CCR7: variants seen among roughly 807,000 people sequenced by gnomAD.
CCR7 encodes the protein C-C motif chemokine receptor 7, also known as C-C chemokine receptor type 7.
In CCR7, 11 loss-of-function variants were observed where a neutral mutation model predicts 26.0. The ratio of observed to expected loss-of-function variants is 0.42; its 90% CI spans 0.27 to 0.70. The LOEUF (loss-of-function observed/expected upper bound fraction) is 0.70, where lower values mean the gene tolerates loss of function less well. Ranked by LOEUF, CCR7 falls within the 30% of genes least tolerant of loss-of-function variation. The probability of loss-of-function intolerance (pLI) is 0.23; values close to 1 mark genes in which losing one functional copy is unlikely to be tolerated. For missense variants in CCR7, 360 were observed against 504.0 expected, an observed-to-expected ratio of 0.71 and a Z score of 2.74; for synonymous variants, 189 against 202.1, an observed-to-expected ratio of 0.94 and a Z score of 0.55.
chr17:40,565,395 C>T lies in CCR7; in HGVS notation c.10+5G>A. 6.2e-7 allele frequency: 1 copy of T among 1,613,066 alleles called. No homozygotes were observed. Among genetic ancestry groups the T allele is most frequent in the Non-Finnish European group, 8.5e-7 (1 of 1,179,012 alleles). ...GTTCCTTCTCACATGAAGAGGCTCA[C>T]TCACCCAGGTCCATGACGCTCTCTG... On this transcript the variant is annotated splice_donor_5th_base_variant and intron_variant, in intron 1 of 2. Coordinates refer to ENST00000246657, the MANE Select transcript of CCR7 (RefSeq NM_001838.4).
chr17:40,555,912 T>C lies in CCR7; in HGVS notation c.61-94A>G, dbSNP rs563364833. ...GCCTAGAGCAGTGGTTTCTTTCTTT[T>C]TTTTTTTTCTTGAGACATGGTCTCA... On this transcript the variant is annotated intron_variant, in intron 2 of 2. Coordinates refer to ENST00000246657, the MANE Select transcript of CCR7 (RefSeq NM_001838.4). This position sits in a 1 kb window ranked among gnomAD's most constrained non-coding sequence, Gnocchi z 5.6. 14 of 836,266 alleles carry C rather than the reference T, an allele frequency of 1.7e-5. No homozygotes were observed. Among genetic ancestry groups the C allele is most frequent in the Non-Finnish European group, 2.5e-5 (13 of 529,978 alleles). The allele number at this position is 836,266 out of a possible 1,614,324, so 51.8% of individuals were successfully genotyped here.
Position 40,554,831 on chromosome 17 carries a change from C to T in CCR7, c.1048G>A (p.Glu350Lys). 6.2e-7 allele frequency: 1 copy of T among 1,614,206 alleles called. No individual in the cohort carries two copies. Among genetic ancestry groups the T allele is most frequent in the African/African-American group, 1.3e-5 (1 of 75,060 alleles). Reference protein sequence around the residue: ...LFKDLGCLSQEQLRQWSSCRH... With the variant: ...LFKDLGCLSQKQLRQWSSCRH... ...CAGGAAGACCACTGCCGGAGCTGCT[C>T]CTGGCTGAGGCAGCCCAGGTCCTTG... Residue 350 changes from glutamate (E) to lysine (K), a missense_variant, in exon 3 of 3, where the codon GAG becomes AAG. Transcript: ENST00000246657.
At chr17:40,561,151 C>G (rs1269419332) in intron 1 of CCR7, 1 of 152,268 alleles carries the variant, frequency 6.6e-6, no homozygotes, top group Non-Finnish European at 1.5e-5. Context: ...GGAGCAAGAA[C>G]TGTGTTTCTG....
At position 40,555,175 on chromosome 17, in the gene CCR7, G is replaced by A. The variant is rs1364164746; in HGVS notation, c.704C>T (p.Pro235Leu). The change falls in exon 3 of 3, where the codon CCC becomes CTC. Residue 235 changes from proline to leucine, a missense_variant. Pro to Leu is a moderately conservative substitution (Grantham distance 98). Transcript: ENST00000246657. The surrounding 1 kb of genome is among the most constrained non-coding windows in gnomAD (Gnocchi z 5.6). ...GTAACAGAAGCTCATGGCCAGCAGG[G>A]GGACCAGAAAGCCGATCACCATCTG... is the stretch of plus-strand genomic sequence containing the variant. The part of the protein sequence containing the change: ...VAQMVIGFLV[P>L]LLAMSFCYLV... 1.9e-6 allele frequency: 3 copies of A among 1,614,196 alleles called. No individual in the cohort carries two copies. Among genetic ancestry groups the A allele is most frequent in the South Asian group, 1.1e-5 (1 of 91,080 alleles).
chr17:40,555,068 C>T lies in CCR7; in HGVS notation c.811G>A (p.Val271Ile). 6.2e-7 allele frequency: 1 copy of T among 1,614,160 alleles called. No homozygotes were observed. ...AIKVIIAVVV[V>I]FIVFQLPYNG... ...TAGGGCAGCTGGAAGACTATGAAGA[C>T]CACGACCACAGCGATGATCACCTTG... The change falls in exon 3 of 3, where the codon GTC (valine) becomes ATC (isoleucine). Residue 271 changes from valine (V) to isoleucine (I), a missense_variant. Val to Ile is a conservative substitution (Grantham distance 29). Transcript: ENST00000246657. The surrounding 1 kb of genome is among the most constrained non-coding windows in gnomAD (Gnocchi z 5.6).
At chr17:40,561,442 G>A (rs186343707) in intron 1 of CCR7, among the ~76,000 whole-genome samples, 1 of 152,308 alleles carries the variant, frequency 6.6e-6, no homozygotes, top group Admixed American at 6.5e-5. Flanking sequence ...TAAAGAAACT[G>A]GTCTTGGGCA....
chr17:40,558,580 TTCTC>T (rs753390503), intron 2 of CCR7, among the ~76,000 whole-genome samples: 32 of 152,206 alleles, frequency 2.1e-4, no homozygotes, highest in Non-Finnish European at 3.7e-4. Context: ...TTTGCAGCTC[TTCTC>T]TCTCTAAGAA....
chr17:40,559,117 C>T (rs113678754), intron 1 of CCR7, among the ~76,000 whole-genome samples, 175 bp from the exon 2 acceptor site: 3 of 152,184 alleles, frequency 2.0e-5, no homozygotes, highest in African/African-American at 4.8e-5. Context: ...GCCTGCTGCC[C>T]GGCATCACTG....
rs767047433 is a variant in CCR7, at chr17:40,558,952, A to C, written c.11-10T>G. On this transcript the variant is annotated splice_polypyrimidine_tract_variant and intron_variant, in intron 1 of 2. Transcript: ENST00000246657. ...CTTTTCATTGGTTTCCCTGTAGGAG[A>C]CAAGGCGAGAAAGTTATTGCTTGGC... The C allele has an allele frequency of 1.9e-6, 3 of 1,606,396 alleles. No homozygotes were observed. The Middle Eastern group carries it at 5.0e-4, about 267-fold the overall frequency.
chr17:40,560,756 C>T (rs903830931), intron 1 of CCR7: 3 of 152,182 alleles, frequency 2.0e-5, no homozygotes, highest in Non-Finnish European at 2.9e-5. Flanking sequence ...GTCCAGTCCT[C>T]CGCTGTCCAC....
chr17:40,555,750 C>A lies in CCR7; in HGVS notation c.129G>T (p.Leu43Phe), dbSNP rs751884593. ...IGDNTTVDYT[L>F]FESLCSKKDV... Reference sequence around the variant, plus strand: ...CCTTCTTGGAGCACAAAGACTCGAACAAAGTGTAGTCCACTGTGGTGTTGT... The same window carrying A: ...CCTTCTTGGAGCACAAAGACTCGAAAAAAGTGTAGTCCACTGTGGTGTTGT... The change falls in exon 3 of 3, where the codon TTG becomes TTT. Residue 43 changes from leucine (L) to phenylalanine (F), a missense_variant. Coordinates refer to ENST00000246657, the MANE Select transcript of CCR7 (RefSeq NM_001838.4). The surrounding 1 kb of genome is among the most constrained non-coding windows in gnomAD (Gnocchi z 5.6). 6 of 1,614,196 alleles carry A rather than the reference C, an allele frequency of 3.7e-6. No individual in the cohort carries two copies. The South Asian group carries it at 6.6e-5, about 18-fold the overall frequency.
intron 2 of CCR7, among the ~76,000 whole-genome samples, chr17:40,556,756 C>T (rs2036591272): frequency 6.6e-6 from 1 of 152,118 alleles, no homozygotes; most frequent in Admixed American, 6.5e-5. Context: ...TACAAAAGAC[C>T]TCAGCTTTAG....
At chr17:40,564,628 A>G (rs2036689195) in intron 1 of CCR7, among the ~76,000 whole-genome samples, 1 of 152,180 alleles carries the variant, frequency 6.6e-6, no homozygotes, top group South Asian at 2.1e-4. Context: ...CTTCTAGGTT[A>G]GACCTGAGAA....
At chr17:40,561,193 C>T (rs1397534730) in intron 1 of CCR7, among the ~76,000 whole-genome samples, 1 of 152,232 alleles carries the variant, frequency 6.6e-6, no homozygotes, top group Non-Finnish European at 1.5e-5. Context: ...TTCTCCCGGA[C>T]GCTGTCCCAC....
At chr17:40,562,868 G>C (rs994831287) in intron 1 of CCR7, among the ~76,000 whole-genome samples, 1 of 152,028 alleles carries the variant, frequency 6.6e-6, no homozygotes, top group Non-Finnish European at 1.5e-5. Context: ...AGATTTGAAT[G>C]CCTTTAGGTG....
Position 40,558,574 on chromosome 17 carries a change from C to T in CCR7, c.60+319G>A, listed in dbSNP as rs113818230. Among the ~76,000 whole-genome samples, 245 of 152,254 alleles carry T rather than the reference C, an allele frequency of 1.6e-3. 2 individuals are homozygous for T. Among genetic ancestry groups the T allele is most frequent in the African/African-American group, 5.6e-3 (232 of 41,544 alleles). ...ACCCAGTAACATTTTTTGCTTTTTG[C>T]AGCTCTTCTCTCTCTAAGAACTCAG... is the stretch of plus-strand genomic sequence containing the variant. On this transcript the variant is annotated intron_variant, in intron 2 of 2. Coordinates refer to ENST00000246657, the MANE Select transcript of CCR7 (RefSeq NM_001838.4).
rs753865062 is a variant in CCR7 at position 40,555,599 on chromosome 17, C to T, written c.280G>A (p.Asp94Asn). Residue 94 changes from aspartate to asparagine, a missense_variant, in exon 3 of 3, where the codon GAT becomes AAT. Coordinates refer to ENST00000246657, the MANE Select transcript of CCR7 (RefSeq NM_001838.4). The surrounding 1 kb of genome is among the most constrained non-coding windows in gnomAD (Gnocchi z 5.6). ...IYFKRLKTMT[D>N]TYLLNLAVAD... is the part of the protein sequence containing the mutation. Reference sequence around the variant, plus strand: ...ACCGCCAGGTTGAGCAGGTAGGTATCGGTCATGGTCTTGAGCCTCTTGAAA... The same window carrying T: ...ACCGCCAGGTTGAGCAGGTAGGTATTGGTCATGGTCTTGAGCCTCTTGAAA... The T allele has an allele frequency of 1.7e-5, 28 of 1,613,982 alleles. No homozygotes were observed. Among genetic ancestry groups the T allele is most frequent in the Admixed American group, 3.3e-5 (2 of 59,992 alleles).
At chr17:40,562,039 G>T (rs11574665) in intron 1 of CCR7, among the ~76,000 whole-genome samples, 8,230 of 152,192 alleles carry the variant, frequency 0.054, 450 homozygotes, top group African/African-American at 0.14. Flanking sequence ...TGAGGTAGGC[G>T]CTACTATTAT....
chr17:40,564,391 G>A (rs557280523), intron 1 of CCR7, among the ~76,000 whole-genome samples: 1 of 152,336 alleles, frequency 6.6e-6, no homozygotes, highest in Admixed American at 6.5e-5. Context: ...AGGCTGTGGT[G>A]TGGCGAGGAG....
Sources: allele counts gnomAD v4.1 joint callset (sites outside exome capture counted in the v4.1 genomes callset), GRCh38; gene constraint gnomAD v4.1.1; non-coding constraint Gnocchi (gnomAD v3.1); transcripts MANE v1.5; gene names NCBI Gene and HGNC (gene_info 2026-07-23, HGNC 2026-07-21).